The following DGKB variants were observed in gnomAD, a reference collection of about 807,000 sequenced individuals.
DGKB encodes the protein 90 kDa diacylglycerol kinase.
DGKB carries 67 observed loss-of-function variants against 114.3 expected under a neutral mutation model. The observed-to-expected ratio is 0.59, with a 90% CI of 0.48 to 0.72. The LOEUF (loss-of-function observed/expected upper bound fraction) is 0.72, where lower values mean the gene tolerates loss of function less well. Among genes scored for constraint, DGKB ranks in the 30% least tolerant of loss-of-function variants. The pLI, the probability that DGKB is intolerant of heterozygous loss-of-function variation, is 0.00. For synonymous variants in DGKB, 398 were observed against 323.1 expected, an observed-to-expected ratio of 1.23 and a Z score of -2.49; for missense variants, 907 against 975.2, an observed-to-expected ratio of 0.93 and a Z score of 0.93.
At chr7:14,262,709 A>G in intron 23 of DGKB, among the ~76,000 whole-genome samples, 1 of 152,152 alleles carries the variant, frequency 6.6e-6, no homozygotes, top group East Asian at 1.9e-4. Flanking sequence ...CCAGTCCAAG[A>G]GGATGAAGGG....
Position 14,393,740 on chromosome 7 carries a change from C to T in DGKB, c.1836-48349G>A, listed in dbSNP as rs149034381. On this transcript the variant is annotated intron_variant, in intron 21 of 25. Transcript: ENST00000402815. ...TTATTAATCCACCTTGGTTAGAGAA[C>T]CCTCAAGGATAATGTTTTTATAGTG... Among the ~76,000 whole-genome samples, 210 of 152,246 alleles carry T rather than the reference C, an allele frequency of 1.4e-3. 2 individuals are homozygous for T. Among genetic ancestry groups the T allele is most frequent in the African/African-American group, 4.9e-3 (203 of 41,558 alleles).
rs550674164 is a variant in DGKB at position 14,606,059 on chromosome 7, G to T, written c.1433+1375C>A. 5.9e-5 allele frequency among the ~76,000 whole-genome samples: 9 copies of T among 152,106 alleles called. No individual in the cohort carries two copies. In the South Asian group the frequency reaches 1.0e-3, roughly 18 times the overall value. On this transcript the variant is annotated intron_variant, in intron 17 of 25. Transcript: ENST00000402815. ...AACTTGGTTTGATTCAACTTACAGGGGTCTTAGAATGGCAACAGTTTTGAA... is the reference window on the plus strand; with the variant it reads ...AACTTGGTTTGATTCAACTTACAGGTGTCTTAGAATGGCAACAGTTTTGAA...
chr7:14,399,451 T>G (rs1197468025), intron 21 of DGKB, among the ~76,000 whole-genome samples: 1 of 151,484 alleles, frequency 6.6e-6, no homozygotes, highest in Non-Finnish European at 1.5e-5. Context: ...TAGTTAAATT[T>G]AGAAAAATTA....
rs1234693087 is a variant in DGKB, at chr7:14,188,701, T to TCAATC, written c.2123-10555_2123-10551dup. Among the ~76,000 whole-genome samples, 4 of 147,732 alleles carry TCAATC rather than the reference T, an allele frequency of 2.7e-5. No homozygotes were observed. In the East Asian group the frequency reaches 8.1e-4, roughly 30 times the overall value. On this transcript the variant is annotated intron_variant, in intron 23 of 25. Coordinates refer to ENST00000402815, the MANE Select transcript of DGKB (RefSeq NM_001350709.2). ...AAAAAAAAAAGATCCCCAATTACAT[T>TCAATC]CAATCCAAAAAATTCTCTCTGAGGC...
At chr7:14,333,860 G>A (rs1460411387) in intron 23 of DGKB, among the ~76,000 whole-genome samples, 1 of 152,104 alleles carries the variant, frequency 6.6e-6, no homozygotes, top group Non-Finnish European at 1.5e-5. Context: ...TCATTGAATT[G>A]AATTGAATTG....
chr7:14,826,928 T>A, intron 2 of DGKB, among the ~76,000 whole-genome samples: 1 of 152,164 alleles, frequency 6.6e-6, no homozygotes, highest in East Asian at 1.9e-4. Flanking sequence ...CTACTGTGAA[T>A]ACTCTAAAAT....
intron 13 of DGKB, among the ~76,000 whole-genome samples, chr7:14,638,188 T>C (rs1811096624): frequency 6.6e-6 from 1 of 152,110 alleles, no homozygotes; most frequent in South Asian, 2.1e-4. Flanking sequence ...CAGTACCATC[T>C]ATTGGATATT....
intron 1 of DGKB, among the ~76,000 whole-genome samples, chr7:14,853,467 A>C (rs1849675095): frequency 6.6e-6 from 1 of 151,766 alleles, no homozygotes; most frequent in Non-Finnish European, 1.5e-5. Flanking sequence ...ATAGAATATT[A>C]AGTGTGCTTT....
chr7:14,855,445 A>T (rs1184400515), intron 1 of DGKB, among the ~76,000 whole-genome samples: 2 of 152,178 alleles, frequency 1.3e-5, no homozygotes, highest in Non-Finnish European at 2.9e-5. Flanking sequence ...AGAACTGAAA[A>T]TTTGATTACA....
At chr7:14,397,031 C>G (rs1583633901) in intron 21 of DGKB, among the ~76,000 whole-genome samples, 1 of 151,846 alleles carries the variant, frequency 6.6e-6, no homozygotes, top group Non-Finnish European at 1.5e-5. Flanking sequence ...ATAAGTTTTT[C>G]AAGCTTTCTG....
chr7:14,920,329 G>A (rs1046495529), intron 1 of DGKB, among the ~76,000 whole-genome samples: 7 of 152,026 alleles, frequency 4.6e-5, no homozygotes, highest in African/African-American at 7.2e-5. Context: ...ATTTAAAAAT[G>A]GGAAAAATAT....
intron 17 of DGKB, among the ~76,000 whole-genome samples, chr7:14,598,945 G>A (rs1024089116): frequency 2.6e-5 from 4 of 152,274 alleles, no homozygotes; most frequent in African/African-American, 9.6e-5. Flanking sequence ...TGAGGTCCAG[G>A]CCACAGCATA....
intron 21 of DGKB, among the ~76,000 whole-genome samples, chr7:14,405,378 A>G (rs1397683509): frequency 3.9e-5 from 6 of 152,082 alleles, no homozygotes; most frequent in African/African-American, 1.4e-4. Context: ...TTCTGAAATA[A>G]TTCATGACAA....
intron 20 of DGKB, among the ~76,000 whole-genome samples, chr7:14,487,156 G>T (rs1179266894): frequency 6.6e-6 from 1 of 152,048 alleles, no homozygotes; most frequent in Non-Finnish European, 1.5e-5. Context: ...CCTTGTAATC[G>T]TTTCTGGATT....
At chr7:14,266,504 G>A (rs1229083658) in intron 23 of DGKB, among the ~76,000 whole-genome samples, 1 of 152,112 alleles carries the variant, frequency 6.6e-6, no homozygotes, top group Non-Finnish European at 1.5e-5. Context: ...TCCATAAATT[G>A]CTGTCTCTGA....
chr7:14,302,240 AG>A (rs1252075940), intron 23 of DGKB, among the ~76,000 whole-genome samples: 2 of 152,138 alleles, frequency 1.3e-5, no homozygotes, highest in Non-Finnish European at 2.9e-5. Flanking sequence ...ATAAAAGGCA[AG>A]ATAATGGTTC....
chr7:14,445,416 A>G (rs1461231236), intron 21 of DGKB, among the ~76,000 whole-genome samples: 1 of 151,930 alleles, frequency 6.6e-6, no homozygotes, highest in Non-Finnish European at 1.5e-5. Flanking sequence ...AAATAGAACT[A>G]TCCCCCAAAC....
At chr7:14,189,193 T>C (rs1783939728) in intron 23 of DGKB, among the ~76,000 whole-genome samples, 3 of 152,138 alleles carry the variant, frequency 2.0e-5, no homozygotes, top group Admixed American at 6.5e-5. Context: ...TAATGTCAAA[T>C]GGTCAAAACC....
intron 2 of DGKB, among the ~76,000 whole-genome samples, chr7:14,832,523 T>TA (rs897759913): frequency 6.6e-6 from 1 of 152,060 alleles, no homozygotes; most frequent in Non-Finnish European, 1.5e-5. Flanking sequence ...TATTGTTTTT[T>TA]AAAAAAATCC....
Sources: gnomAD v4.1 joint callset for allele counts (sites outside exome capture counted in the v4.1 genomes callset) on GRCh38, gnomAD v4.1.1 for gene constraint, MANE v1.5 for transcripts, NCBI Gene and HGNC (gene_info 2026-07-23, HGNC 2026-07-21) for gene names.